Variants in CABLES1 observed in about 807,000 individuals in gnomAD.
CABLES1 encodes the protein CDK5 and ABL1 enzyme substrate 1.
CABLES1 carries 36 observed loss-of-function variants against 57.8 expected under a neutral mutation model. The ratio of observed to expected loss-of-function variants is 0.62; its 90% CI spans 0.48 to 0.82. The LOEUF is 0.82. Ranked by LOEUF, CABLES1 falls within the 40% of genes least tolerant of loss-of-function variation. The probability of loss-of-function intolerance (pLI) is 0.00; values close to 1 mark genes in which losing one functional copy is unlikely to be tolerated. For synonymous variants in CABLES1, 374 were observed against 363.0 expected, an observed-to-expected ratio of 1.03 and a Z score of -0.35; for missense variants, 767 against 836.6, an observed-to-expected ratio of 0.92 and a Z score of 1.03.
Position 23,234,659 on chromosome 18 carries a change from A to G in CABLES1, c.1140A>G (p.Lys380=), listed in dbSNP as rs2047590356. Residue 380 remains lysine (K), a synonymous_variant, in exon 5 of 10, where the codon AAA becomes AAG. Coordinates refer to ENST00000256925, the MANE Select transcript of CABLES1 (RefSeq NM_001100619.3). ...AATCAACTGGTGCAGTGAGTTTGAA[A>G]GAGATCATTGGTCTGGAAGGTGTGG... ...GRQSTGAVSL[K]EIIGLEGVEL... 14 of 1,613,784 alleles carry G rather than the reference A, an allele frequency of 8.7e-6. No individual in the cohort carries two copies. The highest frequency in any genetic ancestry group is 1.2e-5 in the Non-Finnish European group (14 of 1,179,766).
intron 1 of CABLES1, among the ~76,000 whole-genome samples, chr18:23,179,446 A>G (rs2047148445): frequency 6.6e-6 from 1 of 152,182 alleles, no homozygotes; most frequent in South Asian, 2.1e-4. Flanking sequence ...TATTCTGGAT[A>G]TGGATCTGGC....
intron 1 of CABLES1, among the ~76,000 whole-genome samples, chr18:23,158,726 C>T (rs1352077310): frequency 6.6e-6 from 1 of 152,106 alleles, no homozygotes; most frequent in Non-Finnish European, 1.5e-5. Flanking sequence ...TTTGTGGGCA[C>T]CTATTGGGTT....
chr18:23,234,768 A>C, intron 5 of CABLES1, 64 bp downstream of exon 5: 1 of 1,297,422 alleles, frequency 7.7e-7, no homozygotes, highest in South Asian at 1.3e-5. Context: ...GAAGCAGAGG[A>C]GGGGGGCAGC....
intron 2 of CABLES1, chr18:23,190,645 A>G (rs545153829): frequency 7.2e-5 from 11 of 152,320 alleles, no homozygotes; most frequent in Admixed American, 7.2e-4. Flanking sequence ...GTTGGCCTCA[A>G]CTGTGACTTG....
At chr18:23,161,216 T>C (rs2047001703) in intron 1 of CABLES1, among the ~76,000 whole-genome samples, 1 of 151,758 alleles carries the variant, frequency 6.6e-6, no homozygotes, top group Non-Finnish European at 1.5e-5. Flanking sequence ...TCTCTCAAAA[T>C]AAATGAATAA....
chr18:23,248,538 T>TTTTTTTTTTTTA lies in CABLES1; in HGVS notation c.1447-4422_1447-4421insTTTTTTTTTTTA, dbSNP rs1555671608. The stretch of plus-strand genomic sequence containing the variant: ...TTTTTTTTTTTTTTTTTTTTTTTTT[T>TTTTTTTTTTTTA]AAAAAAAGGCTGGACGTGGTGGCTC... On this transcript the variant is annotated intron_variant, in intron 7 of 9. Coordinates refer to ENST00000256925, the MANE Select transcript of CABLES1 (RefSeq NM_001100619.3). Among the ~76,000 whole-genome samples the TTTTTTTTTTTTA allele has an allele frequency of 7.7e-3, 723 of 93,522 alleles. 15 individuals carry two copies. Among genetic ancestry groups the TTTTTTTTTTTTA allele is most frequent in the Admixed American group, 0.012 (74 of 5,990 alleles). The allele number at this position is 93,522 out of a possible 152,430, so 61.4% of individuals were successfully genotyped here.
chr18:23,197,662 G>A, intron 3 of CABLES1: 1 of 152,358 alleles, frequency 6.6e-6, no homozygotes, highest in Non-Finnish European at 1.5e-5. Flanking sequence ...GGCTGGCCCT[G>A]CTGGGTGTTT....
rs759391214 is a variant in CABLES1, at chr18:23,252,942, T to C, written c.1447-18T>C. 3.3e-6 allele frequency: 5 copies of C among 1,532,782 alleles called. 1 individual carries two copies. Among genetic ancestry groups the C allele is most frequent in the South Asian group, 2.2e-5 (2 of 89,342 alleles). 94.9% of individuals were successfully genotyped at this position (1,532,782 alleles called of 1,614,324 possible). On this transcript the variant is annotated intron_variant, in intron 7 of 9. Transcript: ENST00000256925. ...CCCTTGTTTTAAGGAGTGATCCGTG[T>C]TCCCCTGTCTGTTACAGACAACAGT... is the stretch of plus-strand genomic sequence containing the variant.
chr18:23,242,251 C>T (rs1281244372), intron 7 of CABLES1, among the ~76,000 whole-genome samples: 1 of 152,142 alleles, frequency 6.6e-6, no homozygotes, highest in Non-Finnish European at 1.5e-5. Context: ...GCACTCCAGC[C>T]TGGGTGACGA....
Position 23,171,751 on chromosome 18 carries a change from G to A in CABLES1, c.846-17087G>A, listed in dbSNP as rs73402669. ...AGCTGCTCATAGGTCACTCACCCAC[G>A]ACTTGCGTCCTTAGAGGAACTCTGC... On this transcript the variant is annotated intron_variant, in intron 1 of 9. Transcript: ENST00000256925. 3.0e-3 allele frequency among the ~76,000 whole-genome samples: 454 copies of A among 152,166 alleles called. 2 individuals are homozygous for A. Among genetic ancestry groups the A allele is most frequent in the African/African-American group, 0.011 (436 of 41,508 alleles).
intron 4 of CABLES1, among the ~76,000 whole-genome samples, chr18:23,216,782 A>G (rs2047445476): frequency 6.6e-6 from 1 of 152,014 alleles, no homozygotes; most frequent in Non-Finnish European, 1.5e-5. Flanking sequence ...GTGGCCCTCC[A>G]CTCTTCAACA....
At chr18:23,134,970 A>G (rs2046806845), upstream of CABLES1, among the ~76,000 whole-genome samples, 1 of 151,896 alleles carries the variant, frequency 6.6e-6, no homozygotes, top group Non-Finnish European at 1.5e-5. Context: ...CTGTGGACTT[A>G]CCCGTGTTAT....
At chr18:23,140,279 C>T (rs1018323013) in intron 1 of CABLES1, among the ~76,000 whole-genome samples, 8 of 152,198 alleles carry the variant, frequency 5.3e-5, no homozygotes, top group African/African-American at 1.9e-4. Flanking sequence ...TCCTTGCAAC[C>T]AGCAGTTGGC....
chr18:23,156,462 C>G (rs182008567), intron 1 of CABLES1, among the ~76,000 whole-genome samples: 2 of 152,176 alleles, frequency 1.3e-5, no homozygotes, highest in African/African-American at 4.8e-5. Flanking sequence ...GCTTTGTCCT[C>G]CTATAGTAGC....
rs1184177323 is a variant in CABLES1, at chr18:23,178,483, T to A, written c.846-10355T>A. On this transcript the variant is annotated intron_variant, in intron 1 of 9. Coordinates refer to ENST00000256925, the MANE Select transcript of CABLES1 (RefSeq NM_001100619.3). ...CAGGGACCCTGGGCATGTACCTTCA[T>A]GGCGGCCAGGTGTGCTGTGTCTGCT... is the stretch of plus-strand genomic sequence containing the variant. Among the ~76,000 whole-genome samples the A allele has an allele frequency of 2.6e-5, 4 of 152,244 alleles. No homozygotes were observed. In the South Asian group the frequency reaches 6.2e-4, roughly 24 times the overall value.
chr18:23,136,638 C>A (rs778991998), intron 1 of CABLES1, 31 bp downstream of exon 1: 14 of 1,283,252 alleles, frequency 1.1e-5, no homozygotes, highest in Non-Finnish European at 1.4e-5. Context: ...GCGCACCCAA[C>A]CCTGCGTCCC....
chr18:23,163,811 C>T (rs949897798), intron 1 of CABLES1, among the ~76,000 whole-genome samples: 6 of 152,080 alleles, frequency 3.9e-5, no homozygotes, highest in Non-Finnish European at 5.9e-5. Context: ...CTTCCTTCCC[C>T]GCATGGAGGA....
intron 9 of CABLES1, among the ~76,000 whole-genome samples, chr18:23,254,423 C>T (rs2048114423): frequency 6.6e-6 from 1 of 152,176 alleles, no homozygotes; most frequent in African/African-American, 2.4e-5. Context: ...CCTTGGATGG[C>T]TACATGAATG....
Position 23,214,061 on chromosome 18 carries a change from A to G in CABLES1, c.1088+7A>G. 1.3e-6 allele frequency: 2 copies of G among 1,589,334 alleles called. No individual in the cohort carries two copies. The highest frequency in any genetic ancestry group is 1.7e-6 in the Non-Finnish European group (2 of 1,159,420). On this transcript the variant is annotated splice_region_variant and intron_variant, in intron 4 of 9. Transcript: ENST00000256925. Reference sequence around the variant, plus strand: ...GCGACAGTACCCAAGTCGGGTATGTATATGCATGCATGCTTTGTAGTTCTC... The same window carrying G: ...GCGACAGTACCCAAGTCGGGTATGTGTATGCATGCATGCTTTGTAGTTCTC...
Sources: gnomAD v4.1 joint callset for allele counts (sites outside exome capture counted in the v4.1 genomes callset) on GRCh38, gnomAD v4.1.1 for gene constraint, MANE v1.5 for transcripts, NCBI Gene and HGNC (gene_info 2026-07-23, HGNC 2026-07-21) for gene names.